ZNF131: variants seen among roughly 807,000 people sequenced by gnomAD.
The protein encoded by ZNF131 is zinc finger and BTB domain containing 35.
In ZNF131, 7 loss-of-function variants were observed where a neutral mutation model predicts 60.0. The observed-to-expected ratio is 0.12, with a 90% confidence interval of 0.07 to 0.22. The LOEUF is 0.22. Ranked by LOEUF, ZNF131 falls within the 10% of genes least tolerant of loss-of-function variation. The pLI, the probability that ZNF131 is intolerant of heterozygous loss-of-function variation, is 1.00. For missense variants in ZNF131, 493 were observed against 740.9 expected (o/e 0.67, Z 3.88); for synonymous variants, 257 against 253.2 (o/e 1.01, Z -0.14).
At chr5:43,134,585 T>C (rs1042758510) in intron 3 of ZNF131, among the ~76,000 whole-genome samples, 1 of 151,966 alleles carries the variant, frequency 6.6e-6, no homozygotes, top group Non-Finnish European at 1.5e-5. Context: ...TGACATCTTA[T>C]ATATAGAAAA....
At position 43,161,555 on chromosome 5, in the gene ZNF131, A is replaced by G. The variant is rs752972764; in HGVS notation, c.678A>G (p.Arg226=). The G allele has an allele frequency of 8.7e-6, 14 of 1,614,258 alleles. No individual in the cohort carries two copies. In the East Asian group the frequency reaches 2.2e-4, roughly 26 times the overall value. Residue 226 remains arginine (R), a synonymous_variant, in exon 5 of 7, where the codon AGA becomes AGG. Coordinates refer to ENST00000682664, the MANE Select transcript of ZNF131 (RefSeq NM_001330707.2). The stretch of plus-strand genomic sequence containing the variant: ...CCAGCAAGTACCGTCAAGGTGACAG[A>G]AAAGGGCAGATTAAAGAAGATGGCT... ...DITSKYRQGD[R]KGQIKEDGCP... is the part of the protein sequence containing the mutation.
At chr5:43,146,287 T>C (rs1176594176) in intron 4 of ZNF131, among the ~76,000 whole-genome samples, 1 of 152,082 alleles carries the variant, frequency 6.6e-6, no homozygotes, top group Non-Finnish European at 1.5e-5. Flanking sequence ...TACATTATTG[T>C]TAACTTAAAA....
chr5:43,167,749 C>G (rs1750538594), intron 5 of ZNF131, among the ~76,000 whole-genome samples: 1 of 152,198 alleles, frequency 6.6e-6, no homozygotes, highest in Non-Finnish European at 1.5e-5. Context: ...AGGGGACAAG[C>G]ATGTGCAATC....
intron 3 of ZNF131, among the ~76,000 whole-genome samples, chr5:43,129,373 T>G (rs919151533): frequency 2.6e-5 from 4 of 151,530 alleles, no homozygotes; most frequent in African/African-American, 9.7e-5. Context: ...CACCCAGCCC[T>G]TGGTACCAGT....
intron 3 of ZNF131, among the ~76,000 whole-genome samples, chr5:43,137,706 C>T (rs1176338148): frequency 2.6e-5 from 4 of 152,182 alleles, no homozygotes; most frequent in Non-Finnish European, 5.9e-5. Flanking sequence ...AAATACCATA[C>T]AATTCAGCAA....
chr5:43,131,830 C>A (rs1254776745), intron 3 of ZNF131, among the ~76,000 whole-genome samples: 2 of 150,772 alleles, frequency 1.3e-5, no homozygotes, highest in African/African-American at 2.4e-5. Flanking sequence ...AATGGGGGGA[C>A]TTTAGTATTA....
intron 3 of ZNF131, among the ~76,000 whole-genome samples, chr5:43,133,264 G>C (rs1324141444): frequency 6.6e-6 from 1 of 152,118 alleles, no homozygotes; most frequent in Non-Finnish European, 1.5e-5. Flanking sequence ...AGGAGGTTGA[G>C]ACCAGCCTAG....
chr5:43,128,584 G>A (rs559009876), intron 3 of ZNF131, among the ~76,000 whole-genome samples: 117 of 151,302 alleles, frequency 7.7e-4, no homozygotes, highest in African/African-American at 2.8e-3. Context: ...GTGAACCTGG[G>A]AGGCGGAGCT....
intron 5 of ZNF131, among the ~76,000 whole-genome samples, chr5:43,172,828 A>G (rs780401154): frequency 6.6e-6 from 1 of 151,848 alleles, no homozygotes; most frequent in Non-Finnish European, 1.5e-5. Flanking sequence ...CAGATCTTTT[A>G]TAGTGCATTG....
chr5:43,167,978 CCCTGCCAGTGGCGACTCTGCAGAGT>C (rs1323634040), intron 5 of ZNF131: 2 of 454,146 alleles, frequency 4.4e-6, no homozygotes, highest in East Asian at 1.4e-4. Flanking sequence ...CTGGTGAGAG[CCCTGCCAGTGGCGACTCTGCAGAGT>C]CCTGAGGCCA....
At chr5:43,152,314 A>G (rs550341682) in intron 4 of ZNF131, among the ~76,000 whole-genome samples, 57 of 152,126 alleles carry the variant, frequency 3.7e-4, no homozygotes, top group African/African-American at 1.3e-3. Flanking sequence ...AGTCTGTCCT[A>G]TTTATCACAA....
chr5:43,175,010 T>C lies in ZNF131; in HGVS notation c.1749T>C (p.Asp583=). ...AGGAGAGAGAGTCTAGCCAAGCAGA[T>C]GCTGCTGAGGCTGCCAGGGAAGATC... ...NQEERESSQA[D]AAEAAREDHE... is the part of the protein sequence containing the mutation. Residue 583 remains aspartate, a synonymous_variant, in exon 7 of 7, where the codon GAT becomes GAC. Transcript: ENST00000682664. 6.2e-7 allele frequency: 1 copy of C among 1,614,150 alleles called. No individual in the cohort carries two copies. Among genetic ancestry groups the C allele is most frequent in the Admixed American group, 1.7e-5 (1 of 60,006 alleles).
chr5:43,172,175 T>C (rs1243879144), intron 5 of ZNF131, among the ~76,000 whole-genome samples: 1 of 152,254 alleles, frequency 6.6e-6, no homozygotes, highest in East Asian at 1.9e-4. Flanking sequence ...TTCCTTGTTT[T>C]CTTTACTTCT....
At chr5:43,123,825 G>T (rs1744172605) in intron 3 of ZNF131, 1 of 152,458 alleles carries the variant, frequency 6.6e-6, no homozygotes, top group Non-Finnish European at 1.5e-5. Flanking sequence ...AGGAAATTCT[G>T]GCTCTACAAT....
intron 4 of ZNF131, among the ~76,000 whole-genome samples, chr5:43,157,915 T>C (rs771213672): frequency 1.3e-5 from 2 of 152,244 alleles, no homozygotes; most frequent in Non-Finnish European, 2.9e-5. Context: ...TCCAGGTTTC[T>C]TCTTCCTTGT....
intron 4 of ZNF131, among the ~76,000 whole-genome samples, chr5:43,158,358 C>T (rs1024464566): frequency 1.3e-5 from 2 of 151,890 alleles, no homozygotes; most frequent in Non-Finnish European, 2.9e-5. Flanking sequence ...GGCACGATCT[C>T]GGTTCACCAC....
intron 5 of ZNF131, 133 bp from the exon 6 acceptor site, chr5:43,173,185 A>G: frequency 1.0e-6 from 1 of 969,694 alleles, no homozygotes; most frequent in Admixed American, 3.1e-5. Context: ...AAAATATTTG[A>G]ATTCTGAATT....
In ZNF131 at chr5:43,151,239, C is replaced by T. The variant is rs184652224; in HGVS notation, c.372-10010C>T. ...TTGTACCACTTTTTTAATTGGATTACTCCTATTAGGGAAAACTGCCCACGG... is the reference window on the plus strand; with the variant it reads ...TTGTACCACTTTTTTAATTGGATTATTCCTATTAGGGAAAACTGCCCACGG... On this transcript the variant is annotated intron_variant, in intron 4 of 6. Coordinates refer to ENST00000682664, the MANE Select transcript of ZNF131 (RefSeq NM_001330707.2). Among the ~76,000 whole-genome samples, 322 of 152,294 alleles carry T rather than the reference C, an allele frequency of 2.1e-3. 1 individual carries two copies. The highest frequency in any genetic ancestry group is 6.0e-3 in the Admixed American group (92 of 15,286).
At chr5:43,121,779 C>CCGG (rs1402692764) in intron 1 of ZNF131, 1 of 260,556 alleles carries the variant, frequency 3.8e-6, no homozygotes, top group African/African-American at 2.3e-5. Context: ...CTCGGAACCT[C>CCGG]CGGCGCTGTG....
Sources: allele counts gnomAD v4.1 joint callset (sites outside exome capture counted in the v4.1 genomes callset), GRCh38; gene constraint gnomAD v4.1.1; transcripts MANE v1.5; gene names NCBI Gene and HGNC (gene_info 2026-07-23, HGNC 2026-07-21).